The following BMPR2 variants were observed in gnomAD, a reference collection of about 807,000 sequenced individuals.
The protein encoded by BMPR2 is bone morphogenetic protein receptor type-2.
A neutral mutation model predicts 100.8 loss-of-function variants in BMPR2; 29 were observed. The observed-to-expected ratio is 0.29, with a 90% confidence interval of 0.21 to 0.39. The LOEUF is 0.39. BMPR2 is among the 10% of genes least tolerant of loss of function. BMPR2 has a pLI of 1.00. For synonymous variants in BMPR2, 382 were observed against 442.3 expected (o/e 0.86, Z 1.71); for missense variants, 1,011 against 1,274.5 (o/e 0.79, Z 3.15).
At chr2:202,541,576 C>T (rs566781484) in intron 9 of BMPR2, among the ~76,000 whole-genome samples, 4 of 152,316 alleles carry the variant, frequency 2.6e-5, no homozygotes, top group Non-Finnish European at 5.9e-5. Context: ...CACCCACTTA[C>T]ATTTGGTTCT....
chr2:202,484,968 CA>C lies in BMPR2; in HGVS notation c.418+17299del, dbSNP rs747890922. Among the ~76,000 whole-genome samples, 430 of 59,860 alleles carry C rather than the reference CA, an allele frequency of 7.2e-3. 1 individual carries two copies. The highest frequency in any genetic ancestry group is 0.024 in the African/African-American group (350 of 14,786). 39.3% of individuals were successfully genotyped at this position (59,860 alleles called of 152,430 possible). A position where few individuals can be genotyped will look rare whatever the true frequency, so the allele number is the denominator to read the frequency against. ...TGGGCGACAGAGTGAGACTCCGTCT[CA>C]AAAAAAAAAAAAAAAAAAAGAAAGA... On this transcript the variant is annotated intron_variant, in intron 3 of 12. Transcript: ENST00000374580.
At chr2:202,419,504 G>A (rs965770509) in intron 1 of BMPR2, among the ~76,000 whole-genome samples, 9 of 152,094 alleles carry the variant, frequency 5.9e-5, no homozygotes, top group African/African-American at 1.9e-4. Flanking sequence ...TTACAGGCGC[G>A]TGCCACCATG....
intron 7 of BMPR2, among the ~76,000 whole-genome samples, chr2:202,528,813 C>T (rs1687965080): frequency 6.6e-6 from 1 of 152,128 alleles, no homozygotes; most frequent in African/African-American, 2.4e-5. Flanking sequence ...TAAATCAAAC[C>T]ATCTGTAAGT....
chr2:202,562,378 ATTTCC>A lies in BMPR2; in HGVS notation c.*2437_*2441del, dbSNP rs1212894056. 6.6e-6 allele frequency: 1 copy of A among 152,636 alleles called. No homozygotes were observed. The highest frequency in any genetic ancestry group is 1.5e-5 in the Non-Finnish European group (1 of 68,018). The allele number at this position is 152,636 out of a possible 1,614,324, so 9.5% of individuals were successfully genotyped here. On this transcript the variant is annotated 3_prime_UTR_variant, in exon 13 of 13. Coordinates refer to ENST00000374580, the MANE Select transcript of BMPR2 (RefSeq NM_001204.7). ...CATTCAAGCATGTTTAAAACAAATA[ATTTCC>A]TTTCACCAGTTTTTCTTAGTAAACT...
intron 10 of BMPR2, among the ~76,000 whole-genome samples, chr2:202,546,686 G>A (rs1265349174): frequency 1.3e-5 from 2 of 152,038 alleles, no homozygotes; most frequent in Non-Finnish European, 1.5e-5. Context: ...TCACTGTGGC[G>A]TCTGCCTCCT....
At chr2:202,545,522 T>C (rs1262735014) in intron 10 of BMPR2, among the ~76,000 whole-genome samples, 1 of 152,156 alleles carries the variant, frequency 6.6e-6, no homozygotes, top group Non-Finnish European at 1.5e-5. Flanking sequence ...TAAATTATTT[T>C]ACTATGTATT....
At chr2:202,541,715 A>T (rs1207990072) in intron 9 of BMPR2, among the ~76,000 whole-genome samples, 1 of 152,134 alleles carries the variant, frequency 6.6e-6, no homozygotes, top group Non-Finnish European at 1.5e-5. Context: ...TTTTCCCTGA[A>T]TTTAGTAATA....
At chr2:202,437,956 T>C (rs1259697832) in intron 1 of BMPR2, among the ~76,000 whole-genome samples, 1 of 150,372 alleles carries the variant, frequency 6.7e-6, no homozygotes, top group Non-Finnish European at 1.5e-5. Flanking sequence ...TGTGGACATA[T>C]GTTTTTATAT....
chr2:202,383,672 CA>C (rs568495261), intron 1 of BMPR2, among the ~76,000 whole-genome samples: 29,404 of 105,198 alleles, frequency 0.28, 3,923 homozygotes, highest in African/African-American at 0.46. Flanking sequence ...GAAACTCTGT[CA>C]AAAAAAAAAA....
At chr2:202,403,123 T>G (rs967924970) in intron 1 of BMPR2, among the ~76,000 whole-genome samples, 4 of 151,784 alleles carry the variant, frequency 2.6e-5, no homozygotes, top group Non-Finnish European at 5.9e-5. Context: ...CCACCGCGCC[T>G]GGCTGTCCTG....
chr2:202,536,797 G>T (rs13023920), intron 9 of BMPR2, among the ~76,000 whole-genome samples: 2 of 151,174 alleles, frequency 1.3e-5, no homozygotes, highest in African/African-American at 4.9e-5. Context: ...GCTTGAACCC[G>T]GGAGGCAGAG....
rs911336473 is a variant in BMPR2 at position 202,377,337 on chromosome 2, C to T, written c.-138C>T. ...TCTGCAGCTAGGTCCTCTCATCAGC[C>T]ATTTGTCCTTTCAAACTGTATTGTG... On this transcript the variant is annotated 5_prime_UTR_variant, in exon 1 of 13. Coordinates refer to ENST00000374580, the MANE Select transcript of BMPR2 (RefSeq NM_001204.7). 3 of 833,656 alleles carry T rather than the reference C, an allele frequency of 3.6e-6. No individual in the cohort carries two copies. Among genetic ancestry groups the T allele is most frequent in the African/African-American group, 3.3e-5 (2 of 59,846 alleles). 51.6% of individuals were successfully genotyped at this position (833,656 alleles called of 1,614,324 possible).
intron 1 of BMPR2, among the ~76,000 whole-genome samples, chr2:202,408,465 C>G (rs955668889): frequency 6.6e-6 from 1 of 152,136 alleles, no homozygotes; most frequent in African/African-American, 2.4e-5. Flanking sequence ...CTTGACTGTA[C>G]TGGCACAATG....
intron 1 of BMPR2, among the ~76,000 whole-genome samples, chr2:202,421,941 G>A (rs1019978738): frequency 2.6e-5 from 4 of 152,050 alleles, no homozygotes; most frequent in Non-Finnish European, 5.9e-5. Context: ...ATGGAGTCTC[G>A]CTCTATTGCC....
chr2:202,382,480 C>T (rs527491895), intron 1 of BMPR2, among the ~76,000 whole-genome samples: 20 of 152,152 alleles, frequency 1.3e-4, no homozygotes, highest in Non-Finnish European at 2.9e-4. Flanking sequence ...TGTGAGCTAC[C>T]GCACCTGACC....
chr2:202,405,699 A>G, intron 1 of BMPR2, among the ~76,000 whole-genome samples: 1 of 151,488 alleles, frequency 6.6e-6, no homozygotes, highest in Admixed American at 6.6e-5. Flanking sequence ...AAAAAAAAAA[A>G]AAAAAAAAAA....
chr2:202,561,710 CTT>C lies in BMPR2; in HGVS notation c.*1765_*1766del, dbSNP rs1358625772. The C allele has an allele frequency of 6.6e-6, 1 of 152,140 alleles. No individual in the cohort carries two copies. The highest frequency in any genetic ancestry group is 1.5e-5 in the Non-Finnish European group (1 of 67,990). 9.4% of individuals were successfully genotyped at this position (152,140 alleles called of 1,614,324 possible). A position where few individuals can be genotyped will look rare whatever the true frequency, so the allele number is the denominator to read the frequency against. On this transcript the variant is annotated 3_prime_UTR_variant, in exon 13 of 13. Transcript: ENST00000374580. ...TATTTTCTCACTCATATTCCTCTAT[CTT>C]ATCACTTAGCTAAAGACAGCCTAAA... is the stretch of plus-strand genomic sequence containing the variant.
intron 7 of BMPR2, among the ~76,000 whole-genome samples, chr2:202,524,423 AT>A (rs1295974533): frequency 6.6e-6 from 1 of 151,798 alleles, no homozygotes; most frequent in Non-Finnish European, 1.5e-5. Context: ...TAACAGGATC[AT>A]TTGTACCTCA....
chr2:202,387,911 A>T (rs759902843), intron 1 of BMPR2, among the ~76,000 whole-genome samples: 16 of 152,246 alleles, frequency 1.1e-4, no homozygotes, highest in Non-Finnish European at 2.1e-4. Context: ...AATGATATGA[A>T]GAGATGAATT....
Sources: allele counts gnomAD v4.1 joint callset (sites outside exome capture counted in the v4.1 genomes callset), GRCh38; gene constraint gnomAD v4.1.1; transcripts MANE v1.5; gene names NCBI Gene and HGNC (gene_info 2026-07-23, HGNC 2026-07-21).